Variants in P3H2 observed in about 807,000 individuals in gnomAD.
P3H2 encodes the protein prolyl 3-hydroxylase 2, also known as leprecan-like 1.
A neutral mutation model predicts 87.0 loss-of-function variants in P3H2; 80 were observed. The ratio of observed to expected loss-of-function variants is 0.92; its 90% CI spans 0.77 to 1.11. The LOEUF (loss-of-function observed/expected upper bound fraction) is 1.11, where lower values mean the gene tolerates loss of function less well. Ranked by LOEUF, P3H2 falls within the 50% of genes least tolerant of loss-of-function variation. The pLI, the probability that P3H2 is intolerant of heterozygous loss-of-function variation, is 0.00. For missense variants in P3H2, 1,001 were observed against 923.9 expected (o/e 1.08, Z -1.08); for synonymous variants, 367 against 359.3 (o/e 1.02, Z -0.24).
intron 1 of P3H2, among the ~76,000 whole-genome samples, chr3:190,112,185 G>C (rs1442950972): frequency 6.6e-6 from 1 of 152,168 alleles, no homozygotes; most frequent in African/African-American, 2.4e-5. Context: ...GACTTGGAGG[G>C]AGTCTAGGTT....
At position 190,069,163 on chromosome 3, in the gene P3H2, T is replaced by C. The variant is rs193188474; in HGVS notation, c.480+51089A>G. The stretch of plus-strand genomic sequence containing the variant: ...TGGGTAATTAAGGATTAAATATCTA[T>C]AGGCTCAGCTCCAGACCCTAGAGTG... On this transcript the variant is annotated intron_variant, in intron 1 of 14. Coordinates refer to ENST00000319332, the MANE Select transcript of P3H2 (RefSeq NM_018192.4). Among the ~76,000 whole-genome samples, 52 of 152,318 alleles carry C rather than the reference T, an allele frequency of 3.4e-4. No individual in the cohort carries two copies. In the East Asian group the frequency reaches 6.0e-3, roughly 18 times the overall value.
intron 1 of P3H2, among the ~76,000 whole-genome samples, chr3:190,062,059 C>T (rs1432719570): frequency 6.6e-6 from 1 of 152,096 alleles, no homozygotes. Flanking sequence ...CCTTAGCTTA[C>T]TTCTACCCTT....
At chr3:190,076,722 G>A (rs1726887442) in intron 1 of P3H2, among the ~76,000 whole-genome samples, 2 of 152,190 alleles carry the variant, frequency 1.3e-5, no homozygotes, top group South Asian at 2.1e-4. Context: ...AAGCCCACAT[G>A]GCTGCTTGGT....
rs143768603 is a variant in P3H2, at chr3:189,974,602, C to G, written c.1408G>C (p.Val470Leu). The change falls in exon 9 of 15, where the codon GTC becomes CTC. Residue 470 changes from valine to leucine, a missense_variant. Physicochemically the swap from Val to Leu is conservative, Grantham distance 32. Transcript: ENST00000319332. ...TCCCGGCACTGTTCTTCCGACAGGACGTTATCCAGGAGAACCCGCTGAGTC... is the reference window on the plus strand; with the variant it reads ...TCCCGGCACTGTTCTTCCGACAGGAGGTTATCCAGGAGAACCCGCTGAGTC... ...NGTQRVLLDNVLSEEQCRELH... is the reference protein window; with the variant it reads ...NGTQRVLLDNLLSEEQCRELH... 6.2e-7 allele frequency: 1 copy of G among 1,614,120 alleles called. No individual in the cohort carries two copies. The highest frequency in any genetic ancestry group is 2.2e-5 in the East Asian group (1 of 44,876).
intron 1 of P3H2, among the ~76,000 whole-genome samples, chr3:190,000,997 G>C (rs1461294765): frequency 6.6e-6 from 1 of 152,198 alleles, no homozygotes; most frequent in African/African-American, 2.4e-5. Flanking sequence ...GCAGCACAGC[G>C]TAAGTCAGTT....
intron 1 of P3H2, among the ~76,000 whole-genome samples, chr3:190,110,012 C>G (rs1712010611): frequency 6.6e-6 from 1 of 151,930 alleles, no homozygotes; most frequent in Non-Finnish European, 1.5e-5. Context: ...CCACACTTGG[C>G]TAATTCTTGT....
intron 4 of P3H2, 72 bp from the exon 5 acceptor site, chr3:189,987,741 A>G: frequency 1.9e-6 from 3 of 1,587,288 alleles, no homozygotes; most frequent in Non-Finnish European, 2.6e-6. Context: ...GGAGGCCATC[A>G]ACGTGTCTAC....
intron 1 of P3H2, among the ~76,000 whole-genome samples, chr3:190,037,542 C>T (rs1725463133): frequency 6.6e-6 from 1 of 152,092 alleles, no homozygotes; most frequent in South Asian, 2.1e-4. Context: ...CAATTCTTGT[C>T]CCTTGATGTC....
At chr3:190,006,404 C>T (rs1213738690) in intron 1 of P3H2, among the ~76,000 whole-genome samples, 1 of 152,130 alleles carries the variant, frequency 6.6e-6, no homozygotes, top group African/African-American at 2.4e-5. Flanking sequence ...TTTTAGTCAC[C>T]ACTATTTCAA....
intron 1 of P3H2, among the ~76,000 whole-genome samples, chr3:190,002,590 G>A (rs710570): frequency 0.18 from 26,630 of 151,910 alleles, 2,862 homozygotes; most frequent in Non-Finnish European, 0.25. Context: ...TAGTAGAGAT[G>A]GAGTTTCACC....
At chr3:190,101,298 G>A (rs1310056797) in intron 1 of P3H2, among the ~76,000 whole-genome samples, 1 of 138,248 alleles carries the variant, frequency 7.2e-6, no homozygotes, top group Non-Finnish European at 1.5e-5. Flanking sequence ...AGTTTACTGA[G>A]GAAGGCAGGT....
intron 1 of P3H2, among the ~76,000 whole-genome samples, chr3:190,031,601 C>T (rs747123270): frequency 1.1e-4 from 17 of 151,016 alleles, no homozygotes; most frequent in Non-Finnish European, 2.5e-4. Context: ...CACACCACTG[C>T]ACTCCAGCCT....
chr3:190,086,187 C>CT (rs1386482318), intron 1 of P3H2, among the ~76,000 whole-genome samples: 1 of 152,110 alleles, frequency 6.6e-6, no homozygotes, highest in Non-Finnish European at 1.5e-5. Flanking sequence ...GACTCACTGT[C>CT]TTTTTTTATT....
intron 1 of P3H2, among the ~76,000 whole-genome samples, chr3:190,082,116 C>T (rs1376411683): frequency 2.0e-5 from 3 of 152,054 alleles, no homozygotes; most frequent in African/African-American, 7.2e-5. Context: ...ATTAGCTGGG[C>T]TTGGTGGTGA....
chr3:190,047,649 G>C (rs1021858717), intron 1 of P3H2, among the ~76,000 whole-genome samples: 10 of 152,174 alleles, frequency 6.6e-5, no homozygotes, highest in Non-Finnish European at 1.5e-4. Context: ...CTGGAGGACA[G>C]TATGTTAAGG....
At chr3:190,116,111 T>C (rs556705129) in intron 1 of P3H2, among the ~76,000 whole-genome samples, 1 of 152,262 alleles carries the variant, frequency 6.6e-6, no homozygotes, top group East Asian at 1.9e-4. Flanking sequence ...AGGAACAAAA[T>C]TGTTACTGTG....
At chr3:190,071,556 G>A (rs1726697642) in intron 1 of P3H2, among the ~76,000 whole-genome samples, 1 of 152,180 alleles carries the variant, frequency 6.6e-6, no homozygotes. Context: ...AATGAAGAAT[G>A]TAAAAGCACA....
At chr3:190,100,884 C>T (rs1347680920) in intron 1 of P3H2, among the ~76,000 whole-genome samples, 1 of 152,130 alleles carries the variant, frequency 6.6e-6, no homozygotes, top group East Asian at 1.9e-4. Flanking sequence ...GGCGACCTTG[C>T]ATCAGGCCAC....
intron 1 of P3H2, among the ~76,000 whole-genome samples, chr3:190,027,951 G>C (rs1725133336): frequency 6.8e-6 from 1 of 146,802 alleles, no homozygotes; most frequent in Non-Finnish European, 1.5e-5. Flanking sequence ...CTGGGCGACA[G>C]AGCAAGACTC....
Sources: allele counts gnomAD v4.1 joint callset (sites outside exome capture counted in the v4.1 genomes callset), GRCh38; gene constraint gnomAD v4.1.1; transcripts MANE v1.5; gene names NCBI Gene and HGNC (gene_info 2026-07-23, HGNC 2026-07-21).